Variants in DOCK3 observed in about 807,000 individuals in gnomAD.
DOCK3 encodes dedicator of cytokinesis protein 3.
DOCK3 carries 60 observed loss-of-function variants against 265.6 expected under a neutral mutation model. The observed-to-expected ratio is 0.23, with a 90% CI of 0.18 to 0.28. The LOEUF (loss-of-function observed/expected upper bound fraction) is 0.28. Ranked by LOEUF, DOCK3 falls within the 10% of genes least tolerant of loss-of-function variation. The pLI, the probability that DOCK3 is intolerant of heterozygous loss-of-function variation, is 1.00. For missense variants in DOCK3, 1,981 were observed against 2,594.3 expected (o/e 0.76, Z 5.14); for synonymous variants, 881 against 938.0 (o/e 0.94, Z 1.11).
chr3:51,215,968 G>A (rs1242592036), intron 14 of DOCK3, among the ~76,000 whole-genome samples: 3 of 150,790 alleles, frequency 2.0e-5, no homozygotes, highest in Middle Eastern at 3.2e-3. Context: ...GCATAGTCAG[G>A]CTTCTTGACT....
chr3:50,882,179 G>A (rs1266327404), intron 3 of DOCK3, among the ~76,000 whole-genome samples: 3 of 152,044 alleles, frequency 2.0e-5, no homozygotes, highest in South Asian at 2.1e-4. Context: ...GAAAACCTAG[G>A]CAATACCATT....
At chr3:51,212,818 A>G (rs888365193) in intron 13 of DOCK3, among the ~76,000 whole-genome samples, 1 of 152,144 alleles carries the variant, frequency 6.6e-6, no homozygotes, top group African/African-American at 2.4e-5. Flanking sequence ...TTGCCTTTTC[A>G]GGGCACTGTG....
At chr3:50,757,073 G>A (rs573006780) in intron 1 of DOCK3, among the ~76,000 whole-genome samples, 1 of 150,564 alleles carries the variant, frequency 6.6e-6, no homozygotes, top group African/African-American at 2.4e-5. Flanking sequence ...GGCTGATCTT[G>A]AACTCCTGGG....
intron 1 of DOCK3, among the ~76,000 whole-genome samples, chr3:50,745,838 A>G (rs1284602326): frequency 6.6e-6 from 1 of 152,170 alleles, no homozygotes; most frequent in Non-Finnish European, 1.5e-5. Flanking sequence ...GTTCGGCTCC[A>G]GGGTTCCAAG....
chr3:51,187,636 G>A (rs531548789), intron 12 of DOCK3, among the ~76,000 whole-genome samples: 2 of 152,226 alleles, frequency 1.3e-5, no homozygotes, highest in African/African-American at 4.8e-5. Flanking sequence ...CATATTGTGG[G>A]AGGGACCCGG....
intron 27 of DOCK3, among the ~76,000 whole-genome samples, chr3:51,291,867 T>C (rs921531792): frequency 2.6e-5 from 4 of 152,174 alleles, no homozygotes; most frequent in Non-Finnish European, 5.9e-5. Flanking sequence ...TAGCAAACTA[T>C]ATTCAACAGT....
chr3:50,807,247 C>CTG (rs2043477473), intron 2 of DOCK3, among the ~76,000 whole-genome samples: 1 of 30,184 alleles, frequency 3.3e-5, no homozygotes, highest in Non-Finnish European at 7.3e-5. Flanking sequence ...CTCTGCCACG[C>CTG]TCTTTTTTTT....
At chr3:51,009,056 C>T (rs2078817293) in intron 5 of DOCK3, among the ~76,000 whole-genome samples, 1 of 152,168 alleles carries the variant, frequency 6.6e-6, no homozygotes, top group Non-Finnish European at 1.5e-5. Context: ...CAGTGTTCAT[C>T]AGGGATATTA....
intron 2 of DOCK3, among the ~76,000 whole-genome samples, chr3:50,815,199 A>G (rs968163683): frequency 6.6e-6 from 1 of 151,910 alleles, no homozygotes; most frequent in Admixed American, 6.5e-5. Flanking sequence ...TTCCAAACAT[A>G]CTTCTTTCAT....
chr3:51,182,683 C>T (rs1426016440), intron 12 of DOCK3, among the ~76,000 whole-genome samples: 2 of 152,164 alleles, frequency 1.3e-5, no homozygotes, highest in Non-Finnish European at 2.9e-5. Context: ...AGTGGAGACT[C>T]CTCCAAATGG....
chr3:51,278,632 A>G (rs1474527815), intron 26 of DOCK3: 6 of 474,074 alleles, frequency 1.3e-5, no homozygotes, highest in African/African-American at 2.3e-5. Context: ...ATATATATAT[A>G]TGTACCCTGG....
At chr3:50,970,781 C>T (rs2077176684) in intron 5 of DOCK3, among the ~76,000 whole-genome samples, 1 of 141,308 alleles carries the variant, frequency 7.1e-6, no homozygotes, top group African/African-American at 2.6e-5. Context: ...GACTGCAGTG[C>T]AGTGGTGCAA....
At chr3:50,913,161 C>T (rs748493160) in intron 4 of DOCK3, among the ~76,000 whole-genome samples, 1 of 152,006 alleles carries the variant, frequency 6.6e-6, no homozygotes, top group Non-Finnish European at 1.5e-5. Flanking sequence ...TTTCAGTTAG[C>T]AGGTGATCAA....
Position 50,823,695 on chromosome 3 carries a change from G to A in DOCK3, c.122-17980G>A, listed in dbSNP as rs930852663. ...GAGCTGTTGGGTACACCTCCCAGACGGGGTGGTGGCCGGGCAGAGGGGCTC... is the reference window on the plus strand; with the variant it reads ...GAGCTGTTGGGTACACCTCCCAGACAGGGTGGTGGCCGGGCAGAGGGGCTC... On this transcript the variant is annotated intron_variant, in intron 2 of 52. Transcript: ENST00000266037. Among the ~76,000 whole-genome samples, 111 of 152,278 alleles carry A rather than the reference G, an allele frequency of 7.3e-4. 1 individual carries two copies. Among genetic ancestry groups the A allele is most frequent in the African/African-American group, 1.2e-3 (49 of 41,552 alleles).
intron 38 of DOCK3, among the ~76,000 whole-genome samples, chr3:51,344,359 G>A (rs185150798): frequency 6.6e-6 from 1 of 152,296 alleles, no homozygotes; most frequent in African/African-American, 2.4e-5. Flanking sequence ...GGTGGCTCAC[G>A]CCTGCAATCC....
chr3:50,985,697 A>G (rs977272905), intron 5 of DOCK3, among the ~76,000 whole-genome samples: 7 of 152,138 alleles, frequency 4.6e-5, no homozygotes, highest in South Asian at 2.1e-4. Context: ...GCACCATAAC[A>G]TATGATTAAG....
At chr3:50,740,844 T>C (rs935456089) in intron 1 of DOCK3, among the ~76,000 whole-genome samples, 2 of 152,110 alleles carry the variant, frequency 1.3e-5, no homozygotes, top group Admixed American at 6.6e-5. Context: ...ATATATAACA[T>C]AAAGTGACCA....
At chr3:51,179,070 G>A (rs1048993994) in intron 12 of DOCK3, among the ~76,000 whole-genome samples, 1 of 152,180 alleles carries the variant, frequency 6.6e-6, no homozygotes, top group Non-Finnish European at 1.5e-5. Context: ...TAGTATTGAT[G>A]TCAGGACAAC....
chr3:51,249,535 G>A (rs376229596), intron 22 of DOCK3, among the ~76,000 whole-genome samples: 44 of 61,004 alleles, frequency 7.2e-4, no homozygotes, highest in Non-Finnish European at 1.0e-3. Flanking sequence ...CCAGCCGCCC[G>A]GTCCGGGAGG....
Sources: gnomAD v4.1 joint callset for allele counts (sites outside exome capture counted in the v4.1 genomes callset) on GRCh38, gnomAD v4.1.1 for gene constraint, MANE v1.5 for transcripts, NCBI Gene and HGNC (gene_info 2026-07-23, HGNC 2026-07-21) for gene names.